Variants in CNTRL observed in about 807,000 individuals in gnomAD.
The protein encoded by CNTRL is 110 kDa centrosomal protein.
CNTRL carries 233 observed loss-of-function variants against 303.7 expected under a neutral mutation model. The observed-to-expected ratio is 0.77, with a 90% CI of 0.69 to 0.86. CNTRL has a LOEUF of 0.86. CNTRL is among the 40% of genes least tolerant of loss of function. The pLI is 0.00. For synonymous variants in CNTRL, 900 were observed against 922.2 expected, an observed-to-expected ratio of 0.98 and a Z score of 0.44; for missense variants, 2,524 against 2,650.6, an observed-to-expected ratio of 0.95 and a Z score of 1.05.
Position 121,115,189 on chromosome 9 carries a change from CA to C in CNTRL, c.1446del (p.Gln482HisfsTer2). ...EEFKQLEEAI[Q>X]LKKISEAGKD... Reference sequence around the variant, plus strand: ...ATTTAAACAACTGGAAGAAGCTATACAACTAAAAAAGGTATGTAAAAGCAAA... The same window carrying C: ...ATTTAAACAACTGGAAGAAGCTATACACTAAAAAAGGTATGTAAAAGCAAA... On this transcript the variant is annotated frameshift_variant, in exon 11 of 44. Coordinates refer to ENST00000373855, the MANE Select transcript of CNTRL (RefSeq NM_007018.6). LOFTEE classifies it high-confidence loss of function. The C allele has an allele frequency of 1.9e-6, 3 of 1,574,848 alleles. No individual in the cohort carries two copies. Among genetic ancestry groups the C allele is most frequent in the Non-Finnish European group, 1.7e-6 (2 of 1,151,044 alleles).
Position 121,123,622 on chromosome 9 carries a change from A to AT in CNTRL, c.1651-309_1651-308insT, listed in dbSNP as rs202123652. ...TCAAAATAAATAAATAAATAAATAA[A>AT]AAAGAGAGAGAGAGACAATTTAATG... On this transcript the variant is annotated intron_variant, in intron 12 of 43. Coordinates refer to ENST00000373855, the MANE Select transcript of CNTRL (RefSeq NM_007018.6). Among the ~76,000 whole-genome samples the AT allele has an allele frequency of 8.5e-3, 1,290 of 152,160 alleles. 21 individuals carry two copies. Among genetic ancestry groups the AT allele is most frequent in the African/African-American group, 0.029 (1,214 of 41,482 alleles).
Position 121,161,862 on chromosome 9 carries a change from A to C in CNTRL, c.5096A>C (p.Lys1699Thr), listed in dbSNP as rs748512535. 7.4e-6 allele frequency: 12 copies of C among 1,611,606 alleles called. No individual in the cohort carries two copies. The African/African-American group carries it at 1.2e-4, about 16-fold the overall frequency. Residue 1699 changes from lysine to threonine, a missense_variant, in exon 33 of 44, where the codon AAG becomes ACG. Transcript: ENST00000373855. Reference protein sequence around the residue: ...RQMSKHKTELKNILDMLQLEN... With the variant: ...RQMSKHKTELTNILDMLQLEN... ...CTTTGTTTCTATCCCTTAGAACTAA[A>C]GAATATTCTGGACATGTTGCAACTT...
In CNTRL at chr9:121,138,816, G is replaced by T. The variant is rs545687238; in HGVS notation, c.2337+137G>T. The T allele has an allele frequency of 1.6e-5, 12 of 756,892 alleles. No individual in the cohort carries two copies. The African/African-American group carries it at 2.1e-4, about 13-fold the overall frequency. 46.9% of individuals were successfully genotyped at this position (756,892 alleles called of 1,614,324 possible). ...ACTAGAAAAAAGGGAATTCTGGGTG[G>T]AGCAGCACCATAGCTCCTGTTCTCT... On this transcript the variant is annotated intron_variant, in intron 16 of 43. Coordinates refer to ENST00000373855, the MANE Select transcript of CNTRL (RefSeq NM_007018.6).
intron 2 of CNTRL, among the ~76,000 whole-genome samples, chr9:121,085,472 A>G (rs1231346951): frequency 1.3e-5 from 2 of 152,204 alleles, no homozygotes; most frequent in Non-Finnish European, 2.9e-5. Context: ...TGTTGAAAGT[A>G]TGGTTTTTAA....
In CNTRL at chr9:121,150,430, C is replaced by T. The variant is rs370197449; in HGVS notation, c.3910C>T (p.Pro1304Ser). The T allele has an allele frequency of 6.2e-7, 1 of 1,614,196 alleles. No homozygotes were observed. The highest frequency in any genetic ancestry group is 8.5e-7 in the Non-Finnish European group (1 of 1,180,038). The change falls in exon 25 of 44, where the codon CCC becomes TCC. Residue 1304 changes from proline to serine, a missense_variant. By Grantham distance (74) the Pro-to-Ser change is moderately conservative. Coordinates refer to ENST00000373855, the MANE Select transcript of CNTRL (RefSeq NM_007018.6). ...YGPPPPNFSI[P>S]FIPMGVLHCN... ...GCCTCCACCCCCCAACTTCTCCATC[C>T]CCTTCATCCCTATGGGTGTGCTGCA...
At chr9:121,125,423 T>C (rs1354564281) in intron 13 of CNTRL, among the ~76,000 whole-genome samples, 1 of 152,140 alleles carries the variant, frequency 6.6e-6, no homozygotes, top group African/African-American at 2.4e-5. Context: ...CCTCCCAAAG[T>C]GCTGGGATTA....
chr9:121,145,139 G>A lies in CNTRL; in HGVS notation c.3169-105G>A, dbSNP rs1039200017. The A allele has an allele frequency of 3.7e-6, 5 of 1,358,324 alleles. No homozygotes were observed. The Admixed American group carries it at 6.7e-5, about 18-fold the overall frequency. The allele number at this position is 1,358,324 out of a possible 1,614,324, so 84.1% of individuals were successfully genotyped here. On this transcript the variant is annotated intron_variant, in intron 21 of 43. Transcript: ENST00000373855. ...TCCAAGTAATGCAGTTTCCTCACTG[G>A]GAAAGTGTAAATAAATATAGAATCA... is the stretch of plus-strand genomic sequence containing the variant.
intron 7 of CNTRL, among the ~76,000 whole-genome samples, chr9:121,102,592 A>G (rs1347300049): frequency 6.6e-6 from 1 of 152,232 alleles, no homozygotes; most frequent in Non-Finnish European, 1.5e-5. Flanking sequence ...CACTTAGGAA[A>G]AGAGGAAGTC....
intron 15 of CNTRL, 137 bp from the exon 16 acceptor site, chr9:121,138,408 G>T: frequency 1.2e-6 from 1 of 809,608 alleles, no homozygotes. Context: ...TTTAAATTTG[G>T]GAGTACAAAC....
Position 121,118,533 on chromosome 9 carries a change from C to G in CNTRL, c.1643C>G (p.Pro548Arg). The G allele has an allele frequency of 6.3e-7, 1 of 1,587,556 alleles. No homozygotes were observed. The highest frequency in any genetic ancestry group is 8.6e-7 in the Non-Finnish European group (1 of 1,167,244). The change falls in exon 12 of 44, where the codon CCA becomes CGA. Residue 548 changes from proline (P) to arginine (R), a missense_variant. Pro to Arg is a moderately radical substitution (Grantham distance 103). Coordinates refer to ENST00000373855, the MANE Select transcript of CNTRL (RefSeq NM_007018.6). ...ATAGATAGCCTGGATTCCAAAGACC[C>G]AAAACATGTGAGTAAATTAAGAAAT... ...IAIDSLDSKD[P>R]KHSHMKAQKS...
intron 14 of CNTRL, among the ~76,000 whole-genome samples, chr9:121,128,705 A>C (rs1428861584): frequency 6.6e-6 from 1 of 152,116 alleles, no homozygotes. Flanking sequence ...TTTAGTCATG[A>C]AGTCCTTGCC....
rs373203897 is a variant in CNTRL, at chr9:121,177,211, T to C, written c.*25T>C. 10 of 1,598,122 alleles carry C rather than the reference T, an allele frequency of 6.3e-6. No homozygotes were observed. The highest frequency in any genetic ancestry group is 7.7e-6 in the Non-Finnish European group (9 of 1,168,516). On this transcript the variant is annotated 3_prime_UTR_variant, in exon 44 of 44. Coordinates refer to ENST00000373855, the MANE Select transcript of CNTRL (RefSeq NM_007018.6). ...AGGAATACTGTCTTGTGTAAATATA[T>C]TCAAGGAAAACACCTCCACTACCTC...
At chr9:121,103,639 C>A (rs910344136) in intron 7 of CNTRL, among the ~76,000 whole-genome samples, 1 of 152,158 alleles carries the variant, frequency 6.6e-6, no homozygotes, top group Non-Finnish European at 1.5e-5. Flanking sequence ...AAAATTTTTG[C>A]AATGCACCCA....
intron 14 of CNTRL, among the ~76,000 whole-genome samples, 163 bp from the exon 15 acceptor site, chr9:121,135,643 A>G (rs2051146416): frequency 6.6e-6 from 1 of 152,204 alleles, no homozygotes; most frequent in East Asian, 1.9e-4. Flanking sequence ...CAACCAGGAT[A>G]TGCACAACCT....
At chr9:121,094,268 A>G (rs1327124643) in intron 4 of CNTRL, among the ~76,000 whole-genome samples, 1 of 152,160 alleles carries the variant, frequency 6.6e-6, no homozygotes, top group Non-Finnish European at 1.5e-5. Context: ...GGGAAGTTCA[A>G]GATTGAGGTG....
chr9:121,140,689 C>T lies in CNTRL; in HGVS notation c.2386C>T (p.Leu796Phe). 2 of 1,613,426 alleles carry T rather than the reference C, an allele frequency of 1.2e-6. No homozygotes were observed. The highest frequency in any genetic ancestry group is 1.7e-6 in the Non-Finnish European group (2 of 1,179,594). Residue 796 changes from leucine (L) to phenylalanine (F), a missense_variant, in exon 17 of 44, where the codon CTT becomes TTT. Leu to Phe is a conservative substitution (Grantham distance 22). Coordinates refer to ENST00000373855, the MANE Select transcript of CNTRL (RefSeq NM_007018.6). ...GCAACTTAAAGATTTCCAGAATCAC[C>T]TTAACCATGTGGTTGATGGTTTGGT... ...KQQLKDFQNHLNHVVDGLVRP... is the reference protein window; with the variant it reads ...KQQLKDFQNHFNHVVDGLVRP...
At chr9:121,164,760 A>G (rs1213286710) in intron 34 of CNTRL, among the ~76,000 whole-genome samples, 183 bp from the exon 35 acceptor site, 5 of 152,236 alleles carry the variant, frequency 3.3e-5, no homozygotes, top group African/African-American at 1.2e-4. Flanking sequence ...CAGTTTTTGA[A>G]AAAAGTCTCC....
intron 27 of CNTRL, 133 bp downstream of exon 27, chr9:121,155,046 G>A (rs2052492998): frequency 2.7e-6 from 2 of 747,732 alleles, no homozygotes; most frequent in East Asian, 5.2e-5. Flanking sequence ...TTCCAGGCTG[G>A]ACTCTGCTAG....
rs1397561162 is a variant in CNTRL, at chr9:121,144,025, A to T, written c.2994A>T (p.Lys998Asn). The T allele has an allele frequency of 6.2e-7, 1 of 1,614,034 alleles. No homozygotes were observed. Among genetic ancestry groups the T allele is most frequent in the Non-Finnish European group, 8.5e-7 (1 of 1,179,920 alleles). The change falls in exon 20 of 44, where the codon AAA (lysine) becomes AAT (asparagine). Residue 998 changes from lysine (K) to asparagine (N), a missense_variant. Physicochemically the swap from Lys to Asn is moderately conservative, Grantham distance 94. Transcript: ENST00000373855. ...KLATAELTIA[K>N]DQLKSLHGTV... ...CCACAGCTGAGCTCACCATTGCCAAAGACCAGCTGAAGTCCCTTCATGGAA... is the reference window on the plus strand; with the variant it reads ...CCACAGCTGAGCTCACCATTGCCAATGACCAGCTGAAGTCCCTTCATGGAA...
Sources: gnomAD v4.1 joint callset for allele counts (sites outside exome capture counted in the v4.1 genomes callset) on GRCh38, gnomAD v4.1.1 for gene constraint, MANE v1.5 for transcripts, NCBI Gene and HGNC (gene_info 2026-07-23, HGNC 2026-07-21) for gene names.